The following RBFOX1 variants were observed in gnomAD, a reference collection of about 807,000 sequenced individuals.
The protein encoded by RBFOX1 is RNA binding fox-1 homolog 1.
A neutral mutation model predicts 57.7 loss-of-function variants in RBFOX1; 8 were observed. The observed-to-expected ratio is 0.14, with a 90% CI of 0.08 to 0.25. The LOEUF (loss-of-function observed/expected upper bound fraction) is 0.25, where lower values mean the gene tolerates loss of function less well. Ranked by LOEUF, RBFOX1 falls within the 10% of genes least tolerant of loss-of-function variation. The pLI is 1.00. For missense variants in RBFOX1, 611 were observed against 548.5 expected (o/e 1.11, Z -1.14); for synonymous variants, 326 against 222.4 (o/e 1.47, Z -4.15).
At chr16:6,485,166 C>T (rs921001758) in intron 2 of RBFOX1, among the ~76,000 whole-genome samples, 1 of 152,204 alleles carries the variant, frequency 6.6e-6, no homozygotes, top group African/African-American at 2.4e-5. Context: ...GCCACTCAGG[C>T]TCACAGGAAT....
intron 1 of RBFOX1, among the ~76,000 whole-genome samples, chr16:5,435,159 C>G (rs763920264): frequency 7.2e-5 from 11 of 152,354 alleles, no homozygotes; most frequent in East Asian, 3.9e-4. Context: ...TCACCTGATT[C>G]TTCCCTGTGG....
intron 3 of RBFOX1, among the ~76,000 whole-genome samples, chr16:5,739,765 C>G (rs534713408): frequency 1.1e-4 from 16 of 152,346 alleles, no homozygotes; most frequent in African/African-American, 3.6e-4. Context: ...GCAGGGAAAA[C>G]AGGGGAGCCA....
chr16:7,035,891 C>G (rs1359140157), intron 3 of RBFOX1, among the ~76,000 whole-genome samples: 2 of 152,076 alleles, frequency 1.3e-5, no homozygotes, highest in African/African-American at 2.4e-5. Context: ...CAGACACACA[C>G]ACACACACAT....
chr16:6,134,168 C>G (rs1295835328), intron 1 of RBFOX1, among the ~76,000 whole-genome samples: 1 of 152,114 alleles, frequency 6.6e-6, no homozygotes, highest in East Asian at 1.9e-4. Flanking sequence ...AACTCCTGAC[C>G]TCAGGTGATC....
chr16:5,630,766 C>T lies in RBFOX1; in HGVS notation c.318+31805C>T, dbSNP rs557537189. On this transcript the variant is annotated intron_variant, in intron 3 of 19. Transcript: ENST00000641259. ...ATCTGGAGGGCCAGGCTCTAACTCTCGCCTTGGACTTCAATTGTTGGAAAA... is the reference window on the plus strand; with the variant it reads ...ATCTGGAGGGCCAGGCTCTAACTCTTGCCTTGGACTTCAATTGTTGGAAAA... Among the ~76,000 whole-genome samples the T allele has an allele frequency of 3.3e-5, 5 of 152,224 alleles. 1 individual carries two copies. The highest frequency in any genetic ancestry group is 2.1e-4 in the South Asian group (1 of 4,826).
chr16:7,314,501 A>G (rs2096393548), intron 4 of RBFOX1, among the ~76,000 whole-genome samples: 1 of 152,178 alleles, frequency 6.6e-6, no homozygotes, highest in Non-Finnish European at 1.5e-5. Flanking sequence ...ATTCACTTAG[A>G]CACATTTTCA....
At chr16:7,046,130 T>C (rs925830245) in intron 3 of RBFOX1, among the ~76,000 whole-genome samples, 1 of 152,144 alleles carries the variant, frequency 6.6e-6, no homozygotes, top group African/African-American at 2.4e-5. Context: ...GAAGGAAGCA[T>C]TGCCCTCAGT....
chr16:6,511,080 G>A (rs933036548), intron 2 of RBFOX1, among the ~76,000 whole-genome samples: 2 of 152,280 alleles, frequency 1.3e-5, no homozygotes, highest in South Asian at 4.1e-4. Context: ...CATTGAGGTA[G>A]CGTGGATCAG....
chr16:7,027,142 A>G (rs945595457), intron 3 of RBFOX1, among the ~76,000 whole-genome samples: 7 of 152,160 alleles, frequency 4.6e-5, no homozygotes, highest in Non-Finnish European at 1.5e-5. Context: ...AGTGCTAAGA[A>G]CAGTCTACCC....
At chr16:7,276,811 T>G (rs1266217281) in intron 4 of RBFOX1, among the ~76,000 whole-genome samples, 2 of 152,222 alleles carry the variant, frequency 1.3e-5, no homozygotes, top group Non-Finnish European at 2.9e-5. Context: ...TTCTTAAGGA[T>G]AGTCTGTTAG....
intron 3 of RBFOX1, among the ~76,000 whole-genome samples, chr16:6,989,099 G>C (rs1205103017): frequency 6.6e-6 from 1 of 152,070 alleles, no homozygotes; most frequent in East Asian, 1.9e-4. Flanking sequence ...ATTTCGCCAT[G>C]TTGGGCAGGT....
intron 4 of RBFOX1, among the ~76,000 whole-genome samples, chr16:7,409,002 C>T (rs182326998): frequency 1.3e-5 from 2 of 152,284 alleles, no homozygotes; most frequent in Admixed American, 6.5e-5. Context: ...GTCAATTCTT[C>T]CCCTACTTTC....
At chr16:5,417,603 C>T (rs1412250248) in intron 1 of RBFOX1, among the ~76,000 whole-genome samples, 1 of 152,204 alleles carries the variant, frequency 6.6e-6, no homozygotes, top group Non-Finnish European at 1.5e-5. Context: ...GGTGGGCAGA[C>T]ATGGGCTGGT....
chr16:6,065,112 T>C (rs1596897754), intron 1 of RBFOX1, among the ~76,000 whole-genome samples: 1 of 151,776 alleles, frequency 6.6e-6, no homozygotes, highest in Non-Finnish European at 1.5e-5. Flanking sequence ...ACTGCAGCCT[T>C]GACCTCCCGG....
chr16:5,825,543 C>T (rs565171395), intron 3 of RBFOX1, among the ~76,000 whole-genome samples: 1 of 152,270 alleles, frequency 6.6e-6, no homozygotes, highest in African/African-American at 2.4e-5. Context: ...CATCTTTTCT[C>T]AGTGCATTTT....
At chr16:7,606,706 C>T (rs1053488634) in intron 9 of RBFOX1, among the ~76,000 whole-genome samples, 18 of 152,130 alleles carry the variant, frequency 1.2e-4, no homozygotes, top group Admixed American at 1.2e-3. Context: ...AGATATCATA[C>T]ATTGATTAAG....
intron 3 of RBFOX1, among the ~76,000 whole-genome samples, chr16:6,753,654 G>A (rs1445729637): frequency 6.6e-6 from 1 of 152,064 alleles, no homozygotes; most frequent in Non-Finnish European, 1.5e-5. Context: ...CGTACTTCTC[G>A]CCTGCCTTCC....
At chr16:6,414,715 CA>C (rs1431196242) in intron 2 of RBFOX1, among the ~76,000 whole-genome samples, 1 of 152,170 alleles carries the variant, frequency 6.6e-6, no homozygotes, top group African/African-American at 2.4e-5. Context: ...ACATATAATA[CA>C]GTCTCTCTTC....
chr16:5,516,549 T>G (rs185417684), intron 2 of RBFOX1, among the ~76,000 whole-genome samples: 57 of 152,358 alleles, frequency 3.7e-4, no homozygotes, highest in African/African-American at 1.3e-3. Flanking sequence ...GTACATGAAC[T>G]ACTTATTCAA....
Sources: gnomAD v4.1 joint callset for allele counts (sites outside exome capture counted in the v4.1 genomes callset) on GRCh38, gnomAD v4.1.1 for gene constraint, MANE v1.5 for transcripts, NCBI Gene and HGNC (gene_info 2026-07-23, HGNC 2026-07-21) for gene names.